The following THEMIS variants were observed in gnomAD, a reference collection of about 807,000 sequenced individuals.
THEMIS encodes thymocyte selection associated.
In THEMIS, 37 loss-of-function variants were observed where a neutral mutation model predicts 52.6. The ratio of observed to expected loss-of-function variants is 0.70; its 90% CI spans 0.54 to 0.93. THEMIS has a LOEUF of 0.93. THEMIS is among the 40% of genes least tolerant of loss of function. THEMIS has a pLI of 0.00. For missense variants in THEMIS, 808 were observed against 763.1 expected (o/e 1.06, Z -0.69); for synonymous variants, 292 against 272.7 (o/e 1.07, Z -0.70).
At chr6:127,830,660 T>G (rs2114664293) in intron 2 of THEMIS, among the ~76,000 whole-genome samples, 1 of 151,814 alleles carries the variant, frequency 6.6e-6, no homozygotes, top group African/African-American at 2.4e-5. Context: ...CACTCCAGCC[T>G]GGGCAACAGA....
intron 1 of THEMIS, among the ~76,000 whole-genome samples, chr6:127,866,536 A>G (rs567121167): frequency 3.4e-4 from 51 of 152,154 alleles, no homozygotes; most frequent in African/African-American, 1.2e-3. Flanking sequence ...AAATTTTAAA[A>G]TAAATAAATT....
At position 127,774,225 on chromosome 6, in the gene THEMIS, A is replaced by G. The variant is rs563772043; in HGVS notation, c.1758+38658T>C. Among the ~76,000 whole-genome samples, 148 of 152,342 alleles carry G rather than the reference A, an allele frequency of 9.7e-4. 1 individual carries two copies. Among genetic ancestry groups the G allele is most frequent in the African/African-American group, 3.5e-3 (144 of 41,584 alleles). On this transcript the variant is annotated intron_variant, in intron 4 of 5. Transcript: ENST00000368248. ...TAATTTTAATTTTTATTTTTCTTTG[A>G]GACGGAGTCTCGCTCTGTCGCCCAG...
intron 1 of THEMIS, among the ~76,000 whole-genome samples, chr6:127,916,528 A>G (rs1393706867): frequency 6.6e-6 from 1 of 152,232 alleles, no homozygotes; most frequent in Non-Finnish European, 1.5e-5. Flanking sequence ...TAAGAGGGGC[A>G]TGATCAAAGC....
chr6:127,867,061 T>C (rs1269216346), intron 1 of THEMIS, among the ~76,000 whole-genome samples: 4 of 151,856 alleles, frequency 2.6e-5, no homozygotes, highest in Non-Finnish European at 5.9e-5. Flanking sequence ...TACTCTTTTC[T>C]AAAGACTGTT....
At chr6:127,716,843 G>A (rs1274976103) in intron 5 of THEMIS, among the ~76,000 whole-genome samples, 1 of 151,832 alleles carries the variant, frequency 6.6e-6, no homozygotes, top group Non-Finnish European at 1.5e-5. Flanking sequence ...GTCCATTAGA[G>A]AGCGTCAGGG....
chr6:127,703,035 G>GGTTTTTTTTTTTTTTTTTTTTTTTT, the THEMIS span, among the ~76,000 whole-genome samples: 18 of 82,386 alleles, frequency 2.2e-4, 3 homozygotes, highest in Non-Finnish European at 3.3e-4. Context: ...TTTAGAATGA[G>GGTTTTTTTTTTTTTTTTTTTTTTTT]TTTTTTTTTT....
intron 1 of THEMIS, among the ~76,000 whole-genome samples, chr6:127,898,385 T>G (rs1444204363): frequency 6.6e-6 from 1 of 151,676 alleles, no homozygotes; most frequent in Non-Finnish European, 1.5e-5. Flanking sequence ...CCAATAAAAA[T>G]CCCAGTTAGA....
chr6:127,844,097 G>A (rs929422615), intron 2 of THEMIS, among the ~76,000 whole-genome samples: 1 of 151,942 alleles, frequency 6.6e-6, no homozygotes, highest in Non-Finnish European at 1.5e-5. Flanking sequence ...AGTAGTAAAT[G>A]TGGATATTGA....
chr6:127,755,531 T>G (rs1775792893), intron 4 of THEMIS, among the ~76,000 whole-genome samples: 1 of 152,154 alleles, frequency 6.6e-6, no homozygotes, highest in South Asian at 2.1e-4. Flanking sequence ...TGCTATCAAC[T>G]TTACTATAAG....
intron 3 of THEMIS, among the ~76,000 whole-genome samples, chr6:127,821,365 G>A (rs2114635066): frequency 6.6e-6 from 1 of 152,146 alleles, no homozygotes; most frequent in East Asian, 1.9e-4. Context: ...ATGAGACTGA[G>A]AAACATTCCT....
At chr6:127,777,113 CT>C (rs943138739) in intron 4 of THEMIS, among the ~76,000 whole-genome samples, 1 of 149,322 alleles carries the variant, frequency 6.7e-6, no homozygotes, top group Non-Finnish European at 1.5e-5. Flanking sequence ...AAAATTTCTG[CT>C]TTTAAATTGG....
At chr6:127,819,684 A>G (rs1177679167) in intron 3 of THEMIS, among the ~76,000 whole-genome samples, 1 of 152,210 alleles carries the variant, frequency 6.6e-6, no homozygotes, top group East Asian at 1.9e-4. Flanking sequence ...GCATCCAGTG[A>G]AATCATCCTT....
chr6:127,834,747 T>G (rs1778818154), intron 2 of THEMIS, among the ~76,000 whole-genome samples: 1 of 152,120 alleles, frequency 6.6e-6, no homozygotes, highest in South Asian at 2.1e-4. Flanking sequence ...GGAAAACAAA[T>G]AAACTTTCCC....
At chr6:127,744,897 T>C (rs2114297896) in intron 4 of THEMIS, among the ~76,000 whole-genome samples, 1 of 151,908 alleles carries the variant, frequency 6.6e-6, no homozygotes, top group African/African-American at 2.4e-5. Context: ...TTGGAGGTGA[T>C]GAATATGTTT....
chr6:127,893,817 A>T (rs1471302159), intron 1 of THEMIS, among the ~76,000 whole-genome samples: 1 of 152,170 alleles, frequency 6.6e-6, no homozygotes, highest in Non-Finnish European at 1.5e-5. Flanking sequence ...CTGAACTGAG[A>T]CAAAAGGCAG....
intron 1 of THEMIS, among the ~76,000 whole-genome samples, chr6:127,855,656 C>T (rs1311784879): frequency 6.6e-6 from 1 of 151,928 alleles, no homozygotes; most frequent in African/African-American, 2.4e-5. Flanking sequence ...TTTATTAGAT[C>T]TGGTTCTCTT....
chr6:127,906,854 T>C (rs1303496566), intron 1 of THEMIS, among the ~76,000 whole-genome samples: 1 of 151,734 alleles, frequency 6.6e-6, no homozygotes. Flanking sequence ...AAAAGAAAAA[T>C]GGCTCAAAGC....
intron 2 of THEMIS, among the ~76,000 whole-genome samples, 197 bp from the exon 3 acceptor site, chr6:127,830,131 C>CT (rs1166842449): frequency 1.3e-5 from 2 of 152,030 alleles, no homozygotes; most frequent in Non-Finnish European, 2.9e-5. Context: ...ATCACTAGAT[C>CT]ATAAGACCAG....
chr6:127,813,267 A>G lies in THEMIS; in HGVS notation c.1374T>C (p.Asn458=). Residue 458 remains asparagine (N), a synonymous_variant, in exon 4 of 6, where the codon AAT becomes AAC. Transcript: ENST00000368248. ...AAAGATCCCTGACAGACACCTTCAC[A>G]TTGAAGGGCAAACGGAACTGTTTAC... is the stretch of plus-strand genomic sequence containing the variant. The part of the protein sequence containing the change: ...ELCKQFRLPF[N]VKVSVRDLSI... 6.2e-7 allele frequency: 1 copy of G among 1,614,070 alleles called. No individual in the cohort carries two copies. The highest frequency in any genetic ancestry group is 8.5e-7 in the Non-Finnish European group (1 of 1,179,992).
Sources: allele counts gnomAD v4.1 joint callset (sites outside exome capture counted in the v4.1 genomes callset), GRCh38; gene constraint gnomAD v4.1.1; transcripts MANE v1.5; gene names NCBI Gene and HGNC (gene_info 2026-07-23, HGNC 2026-07-21).